SH3BP5L: variants seen among roughly 807,000 people sequenced by gnomAD.
The protein encoded by SH3BP5L is SH3 domain-binding protein 5-like.
Under a neutral mutation model 40.9 loss-of-function variants are expected in SH3BP5L, and 16 were observed. That is an observed-to-expected ratio of 0.39 (90% CI 0.27 to 0.59). The LOEUF is 0.59. Ranked by LOEUF, SH3BP5L falls within the 20% of genes least tolerant of loss-of-function variation. The pLI is 0.53. For synonymous variants in SH3BP5L, 229 were observed against 226.7 expected (o/e 1.01, Z -0.09); for missense variants, 471 against 544.6 (o/e 0.86, Z 1.35).
At chr1:248,815,876 T>A (rs1343674830) in intron 4 of SH3BP5L, among the ~76,000 whole-genome samples, 4 of 152,228 alleles carry the variant, frequency 2.6e-5, no homozygotes, top group Admixed American at 2.6e-4. Flanking sequence ...TGAAGGACCC[T>A]GGCTGCTTCC....
rs1663935085 is a variant in SH3BP5L, at chr1:248,811,799, A to C, written c.*101T>G. 3 of 881,946 alleles carry C rather than the reference A, an allele frequency of 3.4e-6. No homozygotes were observed. The highest frequency in any genetic ancestry group is 5.0e-6 in the Non-Finnish European group (3 of 594,984). 54.6% of individuals were successfully genotyped at this position (881,946 alleles called of 1,614,324 possible). On this transcript the variant is annotated 3_prime_UTR_variant, in exon 7 of 7. Coordinates refer to ENST00000366472, the MANE Select transcript of SH3BP5L (RefSeq NM_030645.3). ...TCCCAGGGAAGCACTGGAGAAGGGG[A>C]CCTTCGGGAAGACGAGGCCCCAGAG... is the stretch of plus-strand genomic sequence containing the variant.
Position 248,812,747 on chromosome 1 carries a change from CTT to C in SH3BP5L, c.711+240_711+241del, listed in dbSNP as rs1031243570. On this transcript the variant is annotated intron_variant, in intron 6 of 6. Transcript: ENST00000366472. The surrounding 1 kb of genome is among the most constrained non-coding windows in gnomAD (Gnocchi z 6.1). ...CCAGATTTCCACCAGTTCTTTTCCT[CTT>C]GTTTACCTCCCTTCTTCCAACTACG... is the stretch of plus-strand genomic sequence containing the variant. Among the ~76,000 whole-genome samples the C allele has an allele frequency of 2.0e-5, 3 of 152,206 alleles. No individual in the cohort carries two copies. The highest frequency in any genetic ancestry group is 2.9e-5 in the Non-Finnish European group (2 of 68,036).
chr1:248,814,866 T>C (rs1572180899), intron 4 of SH3BP5L: 1 of 609,954 alleles, frequency 1.6e-6, no homozygotes, highest in Non-Finnish European at 3.0e-6. Flanking sequence ...CAAAGGCTGC[T>C]AGCCTTTTCC....
At chr1:248,824,689 C>G in intron 2 of SH3BP5L, 64 bp downstream of exon 2, 1 of 1,578,666 alleles carries the variant, frequency 6.3e-7, no homozygotes, top group Non-Finnish European at 8.6e-7. Flanking sequence ...CCTCATTCAT[C>G]CAACACTCTT....
In SH3BP5L at chr1:248,825,090, A is replaced by T. The variant is rs1664343654; in HGVS notation, c.-155T>A. On this transcript the variant is annotated 5_prime_UTR_variant, in exon 2 of 7. Transcript: ENST00000366472. ...GTGGGCACAGGAAGAACCTCACACT[A>T]GGTTAGAGGTTGAGATTCAAGTTGT... 5.0e-6 allele frequency: 7 copies of T among 1,407,344 alleles called. No homozygotes were observed. The South Asian group carries it at 9.6e-5, about 19-fold the overall frequency. 87.2% of individuals were successfully genotyped at this position (1,407,344 alleles called of 1,614,324 possible). A position where few individuals can be genotyped will look rare whatever the true frequency, so the allele number is the denominator to read the frequency against.
chr1:248,825,161 C>A lies in SH3BP5L; in HGVS notation c.-226G>T. 2 of 1,312,174 alleles carry A rather than the reference C, an allele frequency of 1.5e-6. No individual in the cohort carries two copies. The highest frequency in any genetic ancestry group is 1.9e-6 in the Non-Finnish European group (2 of 1,031,884). 81.3% of individuals were successfully genotyped at this position (1,312,174 alleles called of 1,614,324 possible). On this transcript the variant is annotated 5_prime_UTR_variant, in exon 2 of 7. The change creates a premature stop within an existing upstream ORF in the 5' untranslated region. Transcript: ENST00000366472. ...AAGCCTTGTCTGTGCAAAAGTTCTT[C>A]CCTTCCCGCCACAGGGAGTCCACTG...
chr1:248,822,801 T>C (rs1455638171), intron 2 of SH3BP5L, among the ~76,000 whole-genome samples: 4 of 151,676 alleles, frequency 2.6e-5, no homozygotes, highest in Non-Finnish European at 5.9e-5. Flanking sequence ...TAGCTGGGAT[T>C]ACAGGCACCC....
intron 2 of SH3BP5L, among the ~76,000 whole-genome samples, chr1:248,817,645 G>A (rs969082239): frequency 4.6e-5 from 7 of 152,154 alleles, no homozygotes; most frequent in Non-Finnish European, 1.0e-4. Flanking sequence ...CTGAGGTCAG[G>A]AGTTTGAGAC....
rs1664336968 is a variant in SH3BP5L at position 248,824,903 on chromosome 1, C to T, written c.33G>A (p.Arg11=). Residue 11 remains arginine, a synonymous_variant, in exon 2 of 7, where the codon CGG becomes CGA. Transcript: ENST00000366472. ...GCCGCAGCTCCCCCTGTGGGGTCTC[C>T]CGCCCTCCTGGAACCTGTCTGAGCT... The part of the protein sequence containing the change: MAELRQVPGG[R]ETPQGELRPE... 1 of 1,613,848 alleles carries T rather than the reference C, an allele frequency of 6.2e-7. No individual in the cohort carries two copies. The highest frequency in any genetic ancestry group is 1.7e-5 in the Admixed American group (1 of 60,000).
chr1:248,816,355 C>G (rs1383828196), intron 4 of SH3BP5L, 179 bp downstream of exon 4: 2 of 643,376 alleles, frequency 3.1e-6, no homozygotes, highest in Non-Finnish European at 5.3e-6. Flanking sequence ...ACCATAAGCC[C>G]AGAGCCCACG....
At chr1:248,815,435 C>T (rs543513824) in intron 4 of SH3BP5L, among the ~76,000 whole-genome samples, 22 of 152,264 alleles carry the variant, frequency 1.4e-4, no homozygotes, top group African/African-American at 4.6e-4. Flanking sequence ...ATGATTAATA[C>T]AGCACACATG....
chr1:248,814,815 A>C, intron 4 of SH3BP5L: 2 of 701,008 alleles, frequency 2.9e-6, no homozygotes, highest in African/African-American at 3.5e-5. Flanking sequence ...AGAAATAAAA[A>C]TTTTGCCAGT....
At position 248,810,914 on chromosome 1, in the gene SH3BP5L, T is replaced by G. The variant is rs530745009; in HGVS notation, c.*986A>C. ...GGGATCCTGCAGTAGGTATTTTCAG[T>G]TTGGGGAAGAGCAAGGGAGAGCAAT... is the stretch of plus-strand genomic sequence containing the variant. On this transcript the variant is annotated 3_prime_UTR_variant, in exon 7 of 7. Transcript: ENST00000366472. 6.5e-6 allele frequency: 1 copy of G among 152,746 alleles called. No homozygotes were observed. Among genetic ancestry groups the G allele is most frequent in the African/African-American group, 2.4e-5 (1 of 41,530 alleles). 9.5% of individuals were successfully genotyped at this position (152,746 alleles called of 1,614,324 possible). A position where few individuals can be genotyped will look rare whatever the true frequency, so the allele number is the denominator to read the frequency against.
chr1:248,822,057 A>G (rs1305723809), intron 2 of SH3BP5L, among the ~76,000 whole-genome samples: 1 of 152,206 alleles, frequency 6.6e-6, no homozygotes, highest in Non-Finnish European at 1.5e-5. Context: ...ACATGTCTGG[A>G]AAGGCTCAGG....
rs762985192 is a variant in SH3BP5L at position 248,816,871 on chromosome 1, T to C, written c.197A>G (p.His66Arg). The change falls in exon 3 of 7, where the codon CAC (histidine) becomes CGC (arginine). Residue 66 changes from histidine (H) to arginine (R), a missense_variant. Transcript: ENST00000366472. Reference sequence around the variant, plus strand: ...GATCTCCTCGCTGGCCTGGTTCAGGTGCTCCAACTCCTCCTGCCACAGAGA... The same window carrying C: ...GATCTCCTCGCTGGCCTGGTTCAGGCGCTCCAACTCCTCCTGCCACAGAGA... ...LDPRIQEELE[H>R]LNQASEEINQ... is the part of the protein sequence containing the mutation. The C allele has an allele frequency of 5.0e-6, 8 of 1,614,138 alleles. No individual in the cohort carries two copies. The South Asian group carries it at 8.8e-5, about 18-fold the overall frequency.
chr1:248,821,962 C>T lies in SH3BP5L; in HGVS notation c.183+2791G>A, dbSNP rs1311285513. ...AGAAAATACCGAAACAGGCGCTCTA[C>T]CTTTGGGATATACCTGGCCCAGTGG... On this transcript the variant is annotated intron_variant, in intron 2 of 6. Transcript: ENST00000366472. This position sits in a 1 kb window ranked among gnomAD's most constrained non-coding sequence, Gnocchi z 4.6. Among the ~76,000 whole-genome samples the T allele has an allele frequency of 6.6e-6, 1 of 152,194 alleles. No individual in the cohort carries two copies. The highest frequency in any genetic ancestry group is 2.4e-5 in the African/African-American group (1 of 41,446).
chr1:248,818,241 G>C (rs1664159184), intron 2 of SH3BP5L, among the ~76,000 whole-genome samples: 3 of 152,138 alleles, frequency 2.0e-5, no homozygotes, highest in Non-Finnish European at 4.4e-5. Context: ...CCAGCTACTT[G>C]GGAGGCCGAG....
chr1:248,812,081 C>T lies in SH3BP5L; in HGVS notation c.1001G>A (p.Ser334Asn), dbSNP rs1663955255. The T allele has an allele frequency of 6.2e-7, 1 of 1,612,762 alleles. No individual in the cohort carries two copies. Among genetic ancestry groups the T allele is most frequent in the Non-Finnish European group, 8.5e-7 (1 of 1,179,454 alleles). The change falls in exon 7 of 7, where the codon AGT becomes AAT. Residue 334 changes from serine (S) to asparagine (N), a missense_variant. Physicochemically the swap from Ser to Asn is conservative, Grantham distance 46. Coordinates refer to ENST00000366472, the MANE Select transcript of SH3BP5L (RefSeq NM_030645.3). The surrounding 1 kb of genome is among the most constrained non-coding windows in gnomAD (Gnocchi z 6.1). ...PGPAPDTDTL[S>N]LLSLRTVASD... ...AGCCACCGTGCGCAGGCTCAGCAGA[C>T]TCAGGGTATCGGTGTCGGGGGCGGG...
In SH3BP5L at chr1:248,812,266, G is replaced by A. The variant is rs780970338; in HGVS notation, c.816C>T (p.His272=). 4 of 1,611,994 alleles carry A rather than the reference G, an allele frequency of 2.5e-6. No homozygotes were observed. The highest frequency in any genetic ancestry group is 3.4e-6 in the Non-Finnish European group (4 of 1,179,920). The stretch of plus-strand genomic sequence containing the variant: ...GAGGCAGACCCCCGCGGCGCCGTGC[G>A]TGAATCTGCTCGCTGATCTGCTCCA... ...RNLEQISEQI[H]ARRRGGLPPH... Residue 272 remains histidine (H), a synonymous_variant, in exon 7 of 7, where the codon CAC becomes CAT. Transcript: ENST00000366472. The surrounding 1 kb of genome is among the most constrained non-coding windows in gnomAD (Gnocchi z 6.1).
Sources: allele counts gnomAD v4.1 joint callset (sites outside exome capture counted in the v4.1 genomes callset), GRCh38; gene constraint gnomAD v4.1.1; non-coding constraint Gnocchi (gnomAD v3.1); transcripts MANE v1.5; gene names NCBI Gene and HGNC (gene_info 2026-07-23, HGNC 2026-07-21).